Variants in INTS3 observed in about 807,000 individuals in gnomAD.
INTS3 encodes the protein integrator complex subunit 3.
A neutral mutation model predicts 146.3 loss-of-function variants in INTS3; 34 were observed. The observed-to-expected ratio is 0.23, with a 90% CI of 0.18 to 0.31. The LOEUF is 0.31. INTS3 is among the 10% of genes least tolerant of loss of function. INTS3 has a pLI of 1.00. For missense variants in INTS3, 757 were observed against 1,304.2 expected (o/e 0.58, Z 6.46); for synonymous variants, 475 against 494.9 (o/e 0.96, Z 0.53).
In INTS3 at chr1:153,746,793, C is replaced by G. The variant is rs1351616178; in HGVS notation, c.319-164C>G. On this transcript the variant is annotated intron_variant, in intron 3 of 29. Coordinates refer to ENST00000318967, the MANE Select transcript of INTS3 (RefSeq NM_023015.5). ...AAGGGATAGGTTGGGAATGCAGGAC[C>G]CCTGTGGAAAGAAAGTGTCCAGAAT... is the stretch of plus-strand genomic sequence containing the variant. 3 of 585,770 alleles carry G rather than the reference C, an allele frequency of 5.1e-6. No homozygotes were observed. The African/African-American group carries it at 5.6e-5, about 11-fold the overall frequency. The allele number at this position is 585,770 out of a possible 1,614,324, so 36.3% of individuals were successfully genotyped here.
intron 3 of INTS3, among the ~76,000 whole-genome samples, chr1:153,744,611 C>T (rs955008580): frequency 6.6e-6 from 1 of 152,148 alleles, no homozygotes; most frequent in Non-Finnish European, 1.5e-5. Context: ...GTATTTTCAT[C>T]ATCAGTTGGT....
intron 3 of INTS3, among the ~76,000 whole-genome samples, chr1:153,743,243 T>G (rs548928326): frequency 3.9e-5 from 6 of 152,226 alleles, no homozygotes; most frequent in Non-Finnish European, 8.8e-5. Flanking sequence ...CTTAAAGCAA[T>G]GGGACTGTTT....
chr1:153,740,130 C>T (rs190780652), intron 1 of INTS3, among the ~76,000 whole-genome samples: 2 of 151,584 alleles, frequency 1.3e-5, no homozygotes, highest in African/African-American at 4.8e-5. Context: ...GACAGGGTCT[C>T]GCTCTGTCAC....
At chr1:153,769,011 G>C (rs1672707283) in intron 22 of INTS3, 50 bp downstream of exon 22, 1 of 1,431,138 alleles carries the variant, frequency 7.0e-7, no homozygotes, top group African/African-American at 1.4e-5. Context: ...GCAGCATTAG[G>C]GACATAGGGC....
Position 153,752,411 on chromosome 1 carries a change from A to G in INTS3, c.859+3A>G, listed in dbSNP as rs994663790. 1.9e-6 allele frequency: 3 copies of G among 1,606,870 alleles called. No individual in the cohort carries two copies. Among genetic ancestry groups the G allele is most frequent in the Non-Finnish European group, 2.5e-6 (3 of 1,177,382 alleles). ...GGCCTTGAGTCCTCAGTTCACAGGT[A>G]AGTAGGGTCTTAGGCATCCTGTCCT... On this transcript the variant is annotated splice_donor_region_variant and intron_variant, in intron 8 of 29. Transcript: ENST00000318967.
Position 153,728,425 on chromosome 1 carries a change from C to T in INTS3, c.-210C>T, listed in dbSNP as rs1475747259. Reference sequence around the variant, plus strand: ...CGCCTTTCCCTCAGCACTGCCACCCCAGAGTCAGGACCCAGAGGACTGTGC... The same window carrying T: ...CGCCTTTCCCTCAGCACTGCCACCCTAGAGTCAGGACCCAGAGGACTGTGC... On this transcript the variant is annotated 5_prime_UTR_variant, in exon 1 of 30. Transcript: ENST00000318967. The T allele has an allele frequency of 5.5e-6, 3 of 545,394 alleles. No individual in the cohort carries two copies. The highest frequency in any genetic ancestry group is 6.4e-6 in the Non-Finnish European group (2 of 314,808). The allele number at this position is 545,394 out of a possible 1,614,324, so 33.8% of individuals were successfully genotyped here. A position where few individuals can be genotyped will look rare whatever the true frequency, so the allele number is the denominator to read the frequency against.
chr1:153,751,310 G>T (rs1029914498), intron 7 of INTS3, 71 bp downstream of exon 7: 2 of 1,486,434 alleles, frequency 1.3e-6, no homozygotes, highest in Non-Finnish European at 1.9e-6. Context: ...GGTTTATGCA[G>T]TGGAGTCAGA....
At chr1:153,737,450 C>T (rs1671344981) in intron 1 of INTS3, among the ~76,000 whole-genome samples, 1 of 152,156 alleles carries the variant, frequency 6.6e-6, no homozygotes, top group East Asian at 1.9e-4. Context: ...ACCAGAATGA[C>T]TGTTGGGTAG....
intron 1 of INTS3, among the ~76,000 whole-genome samples, chr1:153,732,192 C>T (rs903147002): frequency 2.6e-5 from 4 of 151,702 alleles, no homozygotes; most frequent in South Asian, 4.2e-4. Context: ...CATGAGCCAC[C>T]GAGCCTGGCC....
intron 20 of INTS3, 71 bp from the exon 21 acceptor site, chr1:153,767,603 G>A: frequency 6.8e-7 from 1 of 1,461,652 alleles, no homozygotes; most frequent in Non-Finnish European, 9.1e-7. Flanking sequence ...TAGAGCGGGA[G>A]CCTGCTTCGG....
chr1:153,735,868 G>A (rs906217744), intron 1 of INTS3, among the ~76,000 whole-genome samples: 1 of 152,082 alleles, frequency 6.6e-6, no homozygotes, highest in East Asian at 1.9e-4. Context: ...GACTACAGGT[G>A]CACACGACCA....
chr1:153,759,300 G>A (rs1672287936), intron 10 of INTS3, among the ~76,000 whole-genome samples: 1 of 151,770 alleles, frequency 6.6e-6, no homozygotes, highest in Non-Finnish European at 1.5e-5. Context: ...GGTTCGGGGG[G>A]TACCTGGCCC....
chr1:153,731,901 C>CTTTTTTTTTTTTTTTTTTTTT (rs34353204), intron 1 of INTS3, among the ~76,000 whole-genome samples: 1 of 65,280 alleles, frequency 1.5e-5, no homozygotes, highest in African/African-American at 7.4e-5. Flanking sequence ...CTTTTTTTAA[C>CTTTTTTTTTTTTTTTTTTTTT]TTTTTTTTTT....
In INTS3 at chr1:153,774,722, G is replaced by C. The variant is rs1316859042; in HGVS notation, c.*1452G>C. 1 of 199,672 alleles carries C rather than the reference G, an allele frequency of 5.0e-6. No homozygotes were observed. The allele number at this position is 199,672 out of a possible 1,614,324, so 12.4% of individuals were successfully genotyped here. A position where few individuals can be genotyped will look rare whatever the true frequency, so the allele number is the denominator to read the frequency against. The stretch of plus-strand genomic sequence containing the variant: ...CCTCATCACTGCTGTTGCTTCCTTT[G>C]AAAGTCTAAACCACTGGAGGCTTCT... On this transcript the variant is annotated 3_prime_UTR_variant, in exon 30 of 30. Coordinates refer to ENST00000318967, the MANE Select transcript of INTS3 (RefSeq NM_023015.5).
At chr1:153,745,075 AATATATACAT>A (rs1440411537) in intron 3 of INTS3, among the ~76,000 whole-genome samples, 6 of 151,400 alleles carry the variant, frequency 4.0e-5, no homozygotes, top group Non-Finnish European at 5.9e-5. Flanking sequence ...CAAATGCAGT[AATATATACAT>A]ATATATATAT....
At chr1:153,729,850 C>T (rs1003534563) in intron 1 of INTS3, among the ~76,000 whole-genome samples, 77 of 119,412 alleles carry the variant, frequency 6.4e-4, no homozygotes, top group Non-Finnish European at 1.0e-3. Flanking sequence ...GACGACAGAG[C>T]GAGAGACCCC....
chr1:153,767,949 G>A, intron 21 of INTS3, 122 bp downstream of exon 21: 1 of 910,990 alleles, frequency 1.1e-6, no homozygotes, highest in African/African-American at 1.7e-5. Flanking sequence ...GTGGGCCATT[G>A]CTTCCCACAC....
chr1:153,758,967 A>G lies in INTS3; in HGVS notation c.1150-559A>G, dbSNP rs112794046. Among the ~76,000 whole-genome samples the G allele has an allele frequency of 1.9e-3, 284 of 152,008 alleles. 2 individuals carry two copies. Among genetic ancestry groups the G allele is most frequent in the African/African-American group, 6.6e-3 (274 of 41,460 alleles). On this transcript the variant is annotated intron_variant, in intron 10 of 29. Transcript: ENST00000318967. ...ACCAAAACAAAACAAAACAAAACATAAAGCCACGCATGGTGGTGTGCTCCT... is the reference window on the plus strand; with the variant it reads ...ACCAAAACAAAACAAAACAAAACATGAAGCCACGCATGGTGGTGTGCTCCT...
At chr1:153,743,862 G>A (rs1351742804) in intron 3 of INTS3, among the ~76,000 whole-genome samples, 5 of 152,020 alleles carry the variant, frequency 3.3e-5, no homozygotes, top group Admixed American at 6.6e-5. Context: ...GGCAGCTCTT[G>A]GTCTAGGTAT....
Sources: allele counts gnomAD v4.1 joint callset (sites outside exome capture counted in the v4.1 genomes callset), GRCh38; gene constraint gnomAD v4.1.1; transcripts MANE v1.5; gene names NCBI Gene and HGNC (gene_info 2026-07-23, HGNC 2026-07-21).